Variants in USP25 observed in about 807,000 individuals in gnomAD.
USP25 encodes ubiquitin carboxyl-terminal hydrolase 25.
Under a neutral mutation model 158.5 loss-of-function variants are expected in USP25, and 85 were observed. That is an observed-to-expected ratio of 0.54 (90% confidence interval 0.45 to 0.64). The LOEUF (loss-of-function observed/expected upper bound fraction) is 0.64. Ranked by LOEUF, USP25 falls within the 30% of genes least tolerant of loss-of-function variation. The pLI, the probability that USP25 is intolerant of heterozygous loss-of-function variation, is 0.00. For missense variants in USP25, 1,242 were observed against 1,327.3 expected, an observed-to-expected ratio of 0.94 and a Z score of 1.00; for synonymous variants, 464 against 460.4, an observed-to-expected ratio of 1.01 and a Z score of -0.10.
At chr21:15,740,872 C>T (rs2031985717) in intron 1 of USP25, among the ~76,000 whole-genome samples, 1 of 151,708 alleles carries the variant, frequency 6.6e-6, no homozygotes, top group African/African-American at 2.4e-5. Context: ...CTCTTTTCTA[C>T]ACCACCCCCC....
intron 5 of USP25, among the ~76,000 whole-genome samples, chr21:15,795,102 C>T (rs1436771900): frequency 1.3e-5 from 2 of 151,522 alleles, no homozygotes; most frequent in Admixed American, 6.6e-5. Flanking sequence ...TGTATCTAAT[C>T]CATTTCTTCT....
At position 15,791,422 on chromosome 21, in the gene USP25, G is replaced by C. The variant is rs549360324; in HGVS notation, c.393-80G>C. The stretch of plus-strand genomic sequence containing the variant: ...ATACATTATTGAAATCTTATGTAAT[G>C]AAAATGCTTTTAGAATGTGTGATAT... On this transcript the variant is annotated intron_variant, in intron 4 of 25. Coordinates refer to ENST00000400183, the MANE Select transcript of USP25 (RefSeq NM_001283041.3). The C allele has an allele frequency of 9.6e-6, 13 of 1,353,512 alleles. No homozygotes were observed. The Admixed American group carries it at 1.9e-4, about 20-fold the overall frequency. The allele number at this position is 1,353,512 out of a possible 1,614,324, so 83.8% of individuals were successfully genotyped here.
intron 1 of USP25, among the ~76,000 whole-genome samples, chr21:15,739,729 A>C (rs143134469): frequency 2.6e-5 from 4 of 152,290 alleles, no homozygotes; most frequent in African/African-American, 9.6e-5. Context: ...TTTTCCTACA[A>C]TATAATCACT....
At chr21:15,755,021 G>A (rs548279698) in intron 1 of USP25, among the ~76,000 whole-genome samples, 1 of 152,274 alleles carries the variant, frequency 6.6e-6, no homozygotes, top group Admixed American at 6.5e-5. Context: ...AGGTGTGTGT[G>A]TGATTACTCA....
intron 22 of USP25, among the ~76,000 whole-genome samples, chr21:15,868,801 C>A (rs1306998745): frequency 1.6e-4 from 25 of 152,230 alleles, no homozygotes; most frequent in Non-Finnish European, 1.5e-5. Flanking sequence ...AAAAAGTTTG[C>A]CTACTCACAA....
intron 18 of USP25, among the ~76,000 whole-genome samples, chr21:15,847,307 G>A (rs73892554): frequency 0.016 from 2,437 of 152,182 alleles, 56 homozygotes; most frequent in African/African-American, 0.055. Context: ...TTTATCTTAA[G>A]TACTTAAAGT....
At position 15,826,072 on chromosome 21, in the gene USP25, C is replaced by T. The variant is rs778667885; in HGVS notation, c.1305-132C>T. 84 of 1,026,518 alleles carry T rather than the reference C, an allele frequency of 8.2e-5. No homozygotes were observed. Among genetic ancestry groups the T allele is most frequent in the Non-Finnish European group, 1.1e-4 (77 of 724,190 alleles). The allele number at this position is 1,026,518 out of a possible 1,614,324, so 63.6% of individuals were successfully genotyped here. A position where few individuals can be genotyped will look rare whatever the true frequency, so the allele number is the denominator to read the frequency against. ...AGTGTATATTCAGTTTTACCATCTT[C>T]GTTTTAAAGCAAATGAATTTTATTG... is the stretch of plus-strand genomic sequence containing the variant. On this transcript the variant is annotated intron_variant, in intron 12 of 25. Coordinates refer to ENST00000400183, the MANE Select transcript of USP25 (RefSeq NM_001283041.3). This position sits in a 1 kb window ranked among gnomAD's most constrained non-coding sequence, Gnocchi z 4.8.
intron 18 of USP25, among the ~76,000 whole-genome samples, chr21:15,845,248 A>G (rs1006651693): frequency 6.6e-6 from 1 of 152,162 alleles, no homozygotes; most frequent in African/African-American, 2.4e-5. Context: ...CAGGCAAGTC[A>G]TAAAAATCTT....
At chr21:15,863,416 G>A (rs1042778114) in intron 20 of USP25, among the ~76,000 whole-genome samples, 4 of 152,058 alleles carry the variant, frequency 2.6e-5, no homozygotes, top group Admixed American at 6.5e-5. Flanking sequence ...TTATAACCCC[G>A]GGGCTTGATG....
intron 2 of USP25, among the ~76,000 whole-genome samples, chr21:15,763,909 G>A (rs929931732): frequency 6.6e-6 from 1 of 152,110 alleles, no homozygotes; most frequent in Admixed American, 6.6e-5. Flanking sequence ...GAAAAGATGA[G>A]CAACAGAGAG....
At chr21:15,866,220 T>TATATAC (rs1555865638) in intron 21 of USP25, 46 bp from the exon 22 acceptor site, 2 of 1,117,464 alleles carry the variant, frequency 1.8e-6, no homozygotes, top group East Asian at 2.7e-5. Context: ...TATATATATA[T>TATATAC]ACACACACAT....
chr21:15,779,553 T>C (rs1157894407), intron 4 of USP25, among the ~76,000 whole-genome samples: 1 of 151,832 alleles, frequency 6.6e-6, no homozygotes, highest in African/African-American at 2.4e-5. Context: ...CTATTATGTG[T>C]TTTCTAATTA....
intron 5 of USP25, among the ~76,000 whole-genome samples, chr21:15,794,933 A>C (rs1402869199): frequency 1.3e-5 from 2 of 151,584 alleles, no homozygotes; most frequent in African/African-American, 4.8e-5. Context: ...AGGATATTTT[A>C]AAAAATGATG....
chr21:15,762,285 CAG>C (rs1419374014), intron 1 of USP25, among the ~76,000 whole-genome samples: 2 of 151,980 alleles, frequency 1.3e-5, no homozygotes, highest in African/African-American at 2.4e-5. Flanking sequence ...TAAGGGCCAT[CAG>C]GGGAGAGTTT....
chr21:15,826,397 GTT>G lies in USP25; in HGVS notation c.1466+33_1466+34del, dbSNP rs2037504971. 1.9e-6 allele frequency: 3 copies of G among 1,610,192 alleles called. No homozygotes were observed. ...AGTAATCCTGATGCAAGAGACAGTT[GTT>G]ACCTTTATTACACAATAATGTAACT... On this transcript the variant is annotated intron_variant, in intron 13 of 25. Coordinates refer to ENST00000400183, the MANE Select transcript of USP25 (RefSeq NM_001283041.3). This position sits in a 1 kb window ranked among gnomAD's most constrained non-coding sequence, Gnocchi z 4.8.
intron 1 of USP25, among the ~76,000 whole-genome samples, chr21:15,758,714 A>G (rs1248763721): frequency 1.3e-5 from 2 of 152,194 alleles, no homozygotes; most frequent in Non-Finnish European, 2.9e-5. Context: ...AGGCCTGACA[A>G]TCATGGCAGA....
At chr21:15,878,249 A>G (rs1458676237) in intron 25 of USP25, 54 bp from the exon 26 acceptor site, 12 of 1,565,954 alleles carry the variant, frequency 7.7e-6, no homozygotes, top group African/African-American at 1.4e-5. Flanking sequence ...CATGTTGACA[A>G]TGATCGTGTA....
intron 5 of USP25, among the ~76,000 whole-genome samples, chr21:15,792,991 C>G (rs2035673312): frequency 6.6e-6 from 1 of 151,552 alleles, no homozygotes; most frequent in Non-Finnish European, 1.5e-5. Flanking sequence ...ATTCTTAGAT[C>G]ATCTTAATAG....
At chr21:15,869,873 A>G (rs111823239) in intron 22 of USP25, among the ~76,000 whole-genome samples, 195 bp from the exon 23 acceptor site, 3 of 152,318 alleles carry the variant, frequency 2.0e-5, no homozygotes, top group African/African-American at 7.2e-5. Context: ...TAATTTTTAG[A>G]TTTAATGTTG....
Sources: allele counts gnomAD v4.1 joint callset (sites outside exome capture counted in the v4.1 genomes callset), GRCh38; gene constraint gnomAD v4.1.1; non-coding constraint Gnocchi (gnomAD v3.1); transcripts MANE v1.5; gene names NCBI Gene and HGNC (gene_info 2026-07-23, HGNC 2026-07-21).